The following VAT1L variants were observed in gnomAD, a reference collection of about 807,000 sequenced individuals.
The protein encoded by VAT1L is vesicle amine transport 1 like.
Under a neutral mutation model 44.1 loss-of-function variants are expected in VAT1L, and 34 were observed. That is an observed-to-expected ratio of 0.77 (90% CI 0.59 to 1.03). The LOEUF is 1.03. Ranked by LOEUF, VAT1L falls within the 50% of genes least tolerant of loss-of-function variation. The pLI, the probability that VAT1L is intolerant of heterozygous loss-of-function variation, is 0.00. For missense variants in VAT1L, 615 were observed against 538.8 expected, an observed-to-expected ratio of 1.14 and a Z score of -1.40; for synonymous variants, 253 against 202.2, an observed-to-expected ratio of 1.25 and a Z score of -2.13.
intron 7 of VAT1L, among the ~76,000 whole-genome samples, chr16:77,963,270 A>C (rs2142536785): frequency 6.6e-6 from 1 of 152,216 alleles, no homozygotes; most frequent in Non-Finnish European, 1.5e-5. Context: ...GGGGATGGGG[A>C]GATCCTCCTG....
rs980049145 is a variant in VAT1L at position 77,823,142 on chromosome 16, G to A, written c.364-2104G>A. On this transcript the variant is annotated intron_variant, in intron 2 of 8. Transcript: ENST00000302536. ...CTCTATTCCAAAATACGCAGAACTG[G>A]CCAACCTGGAAAATCCCCAGGGTTT... Among the ~76,000 whole-genome samples the A allele has an allele frequency of 3.3e-5, 5 of 151,910 alleles. No individual in the cohort carries two copies. The South Asian group carries it at 1.1e-3, about 32-fold the overall frequency.
At chr16:77,844,106 T>C (rs1359392709) in intron 3 of VAT1L, among the ~76,000 whole-genome samples, 3 of 152,198 alleles carry the variant, frequency 2.0e-5, no homozygotes, top group Non-Finnish European at 4.4e-5. Context: ...CACACACATA[T>C]ACATATTATA....
intron 8 of VAT1L, among the ~76,000 whole-genome samples, chr16:77,972,424 C>T (rs1403295571): frequency 6.6e-6 from 1 of 152,128 alleles, no homozygotes; most frequent in Non-Finnish European, 1.5e-5. Context: ...CTGAAGTGAT[C>T]CTCCCACCTC....
At chr16:77,921,442 G>A (rs904306044) in intron 7 of VAT1L, among the ~76,000 whole-genome samples, 3 of 152,090 alleles carry the variant, frequency 2.0e-5, no homozygotes, top group Non-Finnish European at 2.9e-5. Context: ...ACATCCAGTG[G>A]GAGAGAAAAC....
rs928902618 is a variant in VAT1L, at chr16:77,848,842, A to G, written c.580-13906A>G. On this transcript the variant is annotated intron_variant, in intron 3 of 8. Transcript: ENST00000302536. ...AAATAAAATGTGGCACATATACACCATGGAATACCATGCAGCCATAAAAAA... is the reference window on the plus strand; with the variant it reads ...AAATAAAATGTGGCACATATACACCGTGGAATACCATGCAGCCATAAAAAA... Among the ~76,000 whole-genome samples the G allele has an allele frequency of 1.9e-4, 29 of 152,290 alleles. 1 individual carries two copies. The highest frequency in any genetic ancestry group is 4.0e-4 in the Non-Finnish European group (27 of 68,040).
chr16:77,908,134 G>T (rs2017457522), intron 7 of VAT1L, among the ~76,000 whole-genome samples: 1 of 151,976 alleles, frequency 6.6e-6, no homozygotes, highest in South Asian at 2.1e-4. Context: ...AGCTACTCGG[G>T]AGGGTGAGGC....
intron 1 of VAT1L, among the ~76,000 whole-genome samples, chr16:77,816,331 C>G (rs751994691): frequency 1.3e-5 from 2 of 152,292 alleles, no homozygotes; most frequent in Non-Finnish European, 2.9e-5. Flanking sequence ...CCCCTCTCCT[C>G]CAGTGGAACA....
chr16:77,923,873 G>A (rs900453379), intron 7 of VAT1L, among the ~76,000 whole-genome samples: 3 of 152,210 alleles, frequency 2.0e-5, no homozygotes, highest in Non-Finnish European at 4.4e-5. Flanking sequence ...ACACACTGGT[G>A]TGTACAGGAC....
Position 77,854,934 on chromosome 16 carries a change from G to A in VAT1L, c.580-7814G>A, listed in dbSNP as rs182585448. ...AGGGACTCAACCTTCATACTTTTTG[G>A]GAGATTTCTCCAAATACACTGTTTT... On this transcript the variant is annotated intron_variant, in intron 3 of 8. Coordinates refer to ENST00000302536, the MANE Select transcript of VAT1L (RefSeq NM_020927.3). Among the ~76,000 whole-genome samples the A allele has an allele frequency of 3.3e-5, 5 of 152,194 alleles. No homozygotes were observed. The East Asian group carries it at 7.7e-4, about 24-fold the overall frequency.
chr16:77,845,480 A>C (rs550251075), intron 3 of VAT1L, among the ~76,000 whole-genome samples: 1 of 152,148 alleles, frequency 6.6e-6, no homozygotes, highest in African/African-American at 2.4e-5. Flanking sequence ...TCCCCGCCTC[A>C]CCACCCTAAC....
chr16:77,841,513 A>T (rs1183222355), intron 3 of VAT1L, among the ~76,000 whole-genome samples: 2 of 152,224 alleles, frequency 1.3e-5, no homozygotes, highest in African/African-American at 4.8e-5. Context: ...AATGGTAGTC[A>T]TGGGACACTG....
intron 3 of VAT1L, among the ~76,000 whole-genome samples, chr16:77,836,445 G>A (rs763940047): frequency 2.6e-5 from 4 of 152,182 alleles, no homozygotes; most frequent in Non-Finnish European, 4.4e-5. Flanking sequence ...AAGCGATGAG[G>A]ATTAACTGCA....
At chr16:77,965,188 G>A (rs1014552313) in intron 7 of VAT1L, among the ~76,000 whole-genome samples, 4 of 152,034 alleles carry the variant, frequency 2.6e-5, no homozygotes, top group East Asian at 1.9e-4. Flanking sequence ...GCCAGCTCCC[G>A]GCCCAGGGCT....
At chr16:77,909,869 C>A (rs939559056) in intron 7 of VAT1L, among the ~76,000 whole-genome samples, 1 of 152,142 alleles carries the variant, frequency 6.6e-6, no homozygotes, top group African/African-American at 2.4e-5. Context: ...TACATTCCTG[C>A]CCTTCAACCC....
intron 7 of VAT1L, among the ~76,000 whole-genome samples, chr16:77,910,103 G>C (rs1314221224): frequency 6.6e-6 from 1 of 152,164 alleles, no homozygotes. Flanking sequence ...GCAAACATAT[G>C]AATTATTCTC....
At chr16:77,928,027 A>G (rs896957448) in intron 7 of VAT1L, among the ~76,000 whole-genome samples, 1 of 152,200 alleles carries the variant, frequency 6.6e-6, no homozygotes, top group African/African-American at 2.4e-5. Context: ...TGCCTCTTCC[A>G]TACAATATCA....
At chr16:77,875,076 T>A (rs1034539006) in intron 4 of VAT1L, among the ~76,000 whole-genome samples, 1 of 152,224 alleles carries the variant, frequency 6.6e-6, no homozygotes, top group Non-Finnish European at 1.5e-5. Context: ...CTGTCCTAAT[T>A]ACTTTGTTTT....
intron 3 of VAT1L, among the ~76,000 whole-genome samples, chr16:77,828,496 C>G (rs1314980652): frequency 6.6e-6 from 1 of 152,062 alleles, no homozygotes; most frequent in Non-Finnish European, 1.5e-5. Flanking sequence ...AAACCCCCAT[C>G]TCTATAAAAA....
chr16:77,881,081 T>C (rs761935544), intron 6 of VAT1L, among the ~76,000 whole-genome samples: 2 of 152,246 alleles, frequency 1.3e-5, no homozygotes, highest in Non-Finnish European at 2.9e-5. Context: ...GTCCTTTTGA[T>C]AGAACGATTT....
Sources: allele counts gnomAD v4.1 joint callset (sites outside exome capture counted in the v4.1 genomes callset), GRCh38; gene constraint gnomAD v4.1.1; transcripts MANE v1.5; gene names NCBI Gene and HGNC (gene_info 2026-07-23, HGNC 2026-07-21).